Variants in SH3GL1 observed in about 807,000 individuals in gnomAD.
SH3GL1 encodes endophilin-A2.
Under a neutral mutation model 48.8 loss-of-function variants are expected in SH3GL1, and 21 were observed. The ratio of observed to expected loss-of-function variants is 0.43; its 90% CI spans 0.30 to 0.62. The LOEUF is 0.62. Among genes scored for constraint, SH3GL1 ranks in the 20% least tolerant of loss-of-function variants. The probability of loss-of-function intolerance (pLI) is 0.11; values close to 1 mark genes in which losing one functional copy is unlikely to be tolerated. For synonymous variants in SH3GL1, 282 were observed against 217.5 expected, an observed-to-expected ratio of 1.30 and a Z score of -2.61; for missense variants, 454 against 503.0, an observed-to-expected ratio of 0.90 and a Z score of 0.93.
intron 1 of SH3GL1, among the ~76,000 whole-genome samples, chr19:4,388,495 C>A (rs1973276562): frequency 6.6e-6 from 1 of 152,234 alleles, no homozygotes; most frequent in Non-Finnish European, 1.5e-5. Flanking sequence ...GGAGGAGCCG[C>A]AGGGCCTATT....
intron 1 of SH3GL1, among the ~76,000 whole-genome samples, chr19:4,377,779 G>C (rs530173944): frequency 2.0e-5 from 3 of 152,230 alleles, no homozygotes; most frequent in Non-Finnish European, 4.4e-5. Flanking sequence ...GTGGAAACCC[G>C]GGCTGGGAAT....
At chr19:4,393,667 G>A (rs982965082) in intron 1 of SH3GL1, among the ~76,000 whole-genome samples, 1 of 151,870 alleles carries the variant, frequency 6.6e-6, no homozygotes, top group African/African-American at 2.4e-5. Flanking sequence ...GTATGTGCCT[G>A]TAATCCCAGC....
At chr19:4,365,968 C>T (rs1039294820) in intron 3 of SH3GL1, among the ~76,000 whole-genome samples, 1 of 152,110 alleles carries the variant, frequency 6.6e-6, no homozygotes, top group Non-Finnish European at 1.5e-5. Flanking sequence ...CCAAGGCTCC[C>T]GGGGTGGGTG....
chr19:4,393,301 A>C (rs941407557), intron 1 of SH3GL1, among the ~76,000 whole-genome samples: 6 of 151,714 alleles, frequency 4.0e-5, no homozygotes, highest in African/African-American at 9.7e-5. Context: ...AACAAACAAA[A>C]AAAAACACCA....
intron 1 of SH3GL1, among the ~76,000 whole-genome samples, chr19:4,369,895 CAG>C (rs1972860956): frequency 2.0e-5 from 3 of 152,260 alleles, no homozygotes; most frequent in African/African-American, 7.2e-5. Context: ...GAAACCAGCA[CAG>C]ATGGACACAG....
chr19:4,391,325 C>A (rs76250220), intron 1 of SH3GL1, among the ~76,000 whole-genome samples: 3,454 of 152,298 alleles, frequency 0.023, 37 homozygotes, highest in African/African-American at 0.026. Context: ...TGAGACACCT[C>A]ATCTCGCACT....
rs1973020756 is a variant in SH3GL1 at position 4,376,950 on chromosome 19, C to T, written c.46-9956G>A. On this transcript the variant is annotated intron_variant, in intron 1 of 9. Coordinates refer to ENST00000269886, the MANE Select transcript of SH3GL1 (RefSeq NM_003025.4). This position sits in a 1 kb window ranked among gnomAD's most constrained non-coding sequence, Gnocchi z 4.3. ...CCACCCCTTGACAGCAGCTAAGCTCCGGGGGCAGCAACTCCCCGCAGTGAC... is the reference window on the plus strand; with the variant it reads ...CCACCCCTTGACAGCAGCTAAGCTCTGGGGGCAGCAACTCCCCGCAGTGAC... Among the ~76,000 whole-genome samples the T allele has an allele frequency of 6.6e-6, 1 of 152,192 alleles. No individual in the cohort carries two copies. Among genetic ancestry groups the T allele is most frequent in the Admixed American group, 6.5e-5 (1 of 15,280 alleles).
rs561199775 is a variant in SH3GL1, at chr19:4,361,572, G to C, written c.*28C>G. On this transcript the variant is annotated 3_prime_UTR_variant, in exon 10 of 10. Coordinates refer to ENST00000269886, the MANE Select transcript of SH3GL1 (RefSeq NM_003025.4). ...GCAGGGGGTGCCGGCCAGTGTGGAC[G>C]GAGGGGCGGGGCGGGGACACGGGTG... 3.2e-6 allele frequency: 5 copies of C among 1,543,326 alleles called. No individual in the cohort carries two copies. In the South Asian group the frequency reaches 5.7e-5, roughly 18 times the overall value.
chr19:4,375,715 G>C (rs1238477070), intron 1 of SH3GL1, among the ~76,000 whole-genome samples: 3 of 152,240 alleles, frequency 2.0e-5, no homozygotes, highest in African/African-American at 7.2e-5. Flanking sequence ...TGGGGACCAG[G>C]CAGGAGGGCT....
At position 4,360,650 on chromosome 19, in the gene SH3GL1, AGAG is replaced by A. The variant is rs533567464; in HGVS notation, c.*947_*949del. On this transcript the variant is annotated 3_prime_UTR_variant, in exon 10 of 10. Transcript: ENST00000269886. The stretch of plus-strand genomic sequence containing the variant: ...ATGTCGGGGCTGCCTGCCTTGGTCT[AGAG>A]GAGATGGCTGGGGCCACTTCCCACA... 8.7e-4 allele frequency: 203 copies of A among 233,284 alleles called. 1 individual carries two copies. The highest frequency in any genetic ancestry group is 4.3e-3 in the African/African-American group (196 of 45,440). 14.5% of individuals were successfully genotyped at this position (233,284 alleles called of 1,614,324 possible). A position where few individuals can be genotyped will look rare whatever the true frequency, so the allele number is the denominator to read the frequency against.
intron 1 of SH3GL1, among the ~76,000 whole-genome samples, chr19:4,372,245 G>A (rs1274238728): frequency 6.6e-6 from 1 of 152,190 alleles, no homozygotes; most frequent in East Asian, 1.9e-4. Flanking sequence ...CACGGAACAA[G>A]GGCCACTATT....
intron 1 of SH3GL1, among the ~76,000 whole-genome samples, chr19:4,383,801 A>C (rs1449728209): frequency 1.3e-5 from 2 of 152,162 alleles, no homozygotes; most frequent in Non-Finnish European, 2.9e-5. Context: ...ACAGCGTGAG[A>C]GCCGGGAAAA....
intron 1 of SH3GL1, chr19:4,390,691 G>A (rs1191303714): frequency 6.6e-6 from 1 of 152,182 alleles, no homozygotes; most frequent in Non-Finnish European, 1.5e-5. Context: ...GAGTTGGAGA[G>A]CTCAGGTCCT....
In SH3GL1 at chr19:4,388,176, T is replaced by A. The variant is rs149703900; in HGVS notation, c.45+12148A>T. Among the ~76,000 whole-genome samples the A allele has an allele frequency of 3.2e-3, 494 of 152,242 alleles. 7 individuals carry two copies. Among genetic ancestry groups the A allele is most frequent in the African/African-American group, 0.011 (475 of 41,542 alleles). On this transcript the variant is annotated intron_variant, in intron 1 of 9. Coordinates refer to ENST00000269886, the MANE Select transcript of SH3GL1 (RefSeq NM_003025.4). ...GTCCGGCCTATTCCAGTTACTGTTA[T>A]TGAGCAAGGAAAAATACCACGATCC...
At chr19:4,378,258 G>A (rs901244206) in intron 1 of SH3GL1, among the ~76,000 whole-genome samples, 3 of 152,176 alleles carry the variant, frequency 2.0e-5, no homozygotes, top group Non-Finnish European at 1.5e-5. Context: ...GTAACGCCAC[G>A]AGGCAAGCAG....
intron 1 of SH3GL1, among the ~76,000 whole-genome samples, chr19:4,377,728 G>A (rs775787881): frequency 2.0e-5 from 3 of 152,186 alleles, no homozygotes; most frequent in East Asian, 1.9e-4. Flanking sequence ...GCCCCTGGCC[G>A]CTCAGAGGCA....
chr19:4,363,009 T>TGCCTCCTCCCCC (rs1195415146), intron 7 of SH3GL1, among the ~76,000 whole-genome samples: 2 of 152,094 alleles, frequency 1.3e-5, no homozygotes, highest in Non-Finnish European at 2.9e-5. Context: ...TCGCATCCCC[T>TGCCTCCTCCCCC]GCCTCCTCCC....
intron 5 of SH3GL1, 45 bp from the exon 6 acceptor site, chr19:4,363,923 G>A (rs1211993145): frequency 8.1e-6 from 13 of 1,610,758 alleles, no homozygotes; most frequent in South Asian, 6.6e-5. Context: ...CGGCCAGAGG[G>A]CCGCCCCACG....
chr19:4,391,688 C>T (rs570193567), intron 1 of SH3GL1, among the ~76,000 whole-genome samples: 4 of 152,266 alleles, frequency 2.6e-5, no homozygotes, highest in South Asian at 4.1e-4. Context: ...CAGACAGGCC[C>T]GGGGAGCCGT....
Sources: gnomAD v4.1 joint callset for allele counts (sites outside exome capture counted in the v4.1 genomes callset) on GRCh38, gnomAD v4.1.1 for gene constraint, Gnocchi (gnomAD v3.1) non-coding constraint, MANE v1.5 for transcripts, NCBI Gene and HGNC (gene_info 2026-07-23, HGNC 2026-07-21) for gene names.